Variants in DPYD observed in about 807,000 individuals in gnomAD.
The protein encoded by DPYD is dihydropyrimidine dehydrogenase.
Under a neutral mutation model 116.2 loss-of-function variants are expected in DPYD, and 109 were observed. That is an observed-to-expected ratio of 0.94 (90% confidence interval 0.80 to 1.10). The LOEUF (loss-of-function observed/expected upper bound fraction) is 1.10, where lower values mean the gene tolerates loss of function less well. Among genes scored for constraint, DPYD ranks in the 50% least tolerant of loss-of-function variants. The pLI, the probability that DPYD is intolerant of heterozygous loss-of-function variation, is 0.00. For missense variants in DPYD, 1,302 were observed against 1,254.5 expected (o/e 1.04, Z -0.57); for synonymous variants, 440 against 432.0 (o/e 1.02, Z -0.23).
chr1:97,461,450 G>T (rs182464556), intron 13 of DPYD, among the ~76,000 whole-genome samples: 53 of 152,030 alleles, frequency 3.5e-4, no homozygotes, highest in African/African-American at 1.3e-3. Context: ...AAGTCATTTC[G>T]GGCAACACAC....
chr1:97,586,616 C>A (rs969293210), intron 10 of DPYD, among the ~76,000 whole-genome samples: 17 of 149,888 alleles, frequency 1.1e-4, no homozygotes, highest in Admixed American at 9.3e-4. Flanking sequence ...AATGCAACAA[C>A]CTCCTTCAGA....
intron 14 of DPYD, among the ~76,000 whole-genome samples, chr1:97,434,508 T>G (rs139199712): frequency 9.0e-4 from 137 of 152,158 alleles, no homozygotes; most frequent in African/African-American, 3.2e-3. Flanking sequence ...CATAAATTCT[T>G]TCTATCCTAT....
chr1:97,848,903 A>C (rs1469680205), intron 2 of DPYD, among the ~76,000 whole-genome samples: 11 of 152,338 alleles, frequency 7.2e-5, no homozygotes, highest in Admixed American at 5.9e-4. Flanking sequence ...AGCTTGTCTG[A>C]GTTGTAAGTA....
chr1:97,432,253 A>AT (rs1261452457), intron 14 of DPYD, among the ~76,000 whole-genome samples: 1 of 151,894 alleles, frequency 6.6e-6, no homozygotes, highest in Non-Finnish European at 1.5e-5. Context: ...CGGTAGTTCT[A>AT]TTTTTAGCTT....
At chr1:97,871,089 G>A (rs1671636834) in intron 2 of DPYD, among the ~76,000 whole-genome samples, 1 of 151,868 alleles carries the variant, frequency 6.6e-6, no homozygotes, top group Admixed American at 6.6e-5. Flanking sequence ...CATATGCAAA[G>A]ATGTTTCTTA....
intron 7 of DPYD, 50 bp from the exon 8 acceptor site, chr1:97,679,232 A>C: frequency 1.0e-6 from 1 of 955,724 alleles, no homozygotes; most frequent in Non-Finnish European, 1.6e-6. Context: ...TGATTAATTA[A>C]AATCTTAATA....
chr1:97,684,494 G>A (rs1000199687), intron 7 of DPYD, among the ~76,000 whole-genome samples: 6 of 151,388 alleles, frequency 4.0e-5, no homozygotes, highest in African/African-American at 4.9e-5. Context: ...CTCCAAGAGC[G>A]GAACTGAAGG....
intron 19 of DPYD, among the ~76,000 whole-genome samples, chr1:97,206,314 A>G (rs997085524): frequency 2.0e-5 from 3 of 151,976 alleles, no homozygotes; most frequent in Non-Finnish European, 4.4e-5. Flanking sequence ...TTCCCTTATG[A>G]TTACAGCATT....
chr1:97,223,378 GAT>G (rs79118208), intron 19 of DPYD, among the ~76,000 whole-genome samples: 14,789 of 147,228 alleles, frequency 0.1, 1,066 homozygotes, highest in East Asian at 0.41. Context: ...ACGCAGAAAA[GAT>G]AGAATTAAAC....
chr1:97,482,997 C>G (rs956685197), intron 13 of DPYD, among the ~76,000 whole-genome samples: 1 of 152,158 alleles, frequency 6.6e-6, no homozygotes, highest in Admixed American at 6.5e-5. Context: ...TCTCATTTCA[C>G]TCTCACCCCA....
intron 8 of DPYD, among the ~76,000 whole-genome samples, chr1:97,675,717 A>T (rs1437902764): frequency 6.6e-6 from 1 of 151,962 alleles, no homozygotes; most frequent in Non-Finnish European, 1.5e-5. Context: ...ATTAATAACT[A>T]TGGCATTTCC....
chr1:97,562,795 T>G (rs1439813240), intron 11 of DPYD, among the ~76,000 whole-genome samples: 1 of 152,174 alleles, frequency 6.6e-6, no homozygotes, highest in Non-Finnish European at 1.5e-5. Context: ...CTTGGCTCGC[T>G]GCAACCTCTG....
At chr1:97,472,218 G>A (rs905964489) in intron 13 of DPYD, among the ~76,000 whole-genome samples, 1 of 152,128 alleles carries the variant, frequency 6.6e-6, no homozygotes, top group East Asian at 1.9e-4. Context: ...ATTTAAAGAG[G>A]CAATTGCCAG....
intron 3 of DPYD, among the ~76,000 whole-genome samples, chr1:97,756,529 G>T (rs766253206): frequency 6.6e-6 from 1 of 152,082 alleles, no homozygotes; most frequent in Non-Finnish European, 1.5e-5. Context: ...AAGAAGAAGA[G>T]AAACTTATTT....
intron 1 of DPYD, 65 bp from the exon 2 acceptor site, chr1:97,883,439 T>G: frequency 8.5e-7 from 1 of 1,179,034 alleles, no homozygotes; most frequent in Non-Finnish European, 1.2e-6. Context: ...AAACTTATTT[T>G]TATTTTATTT....
rs1184720847 is a variant in DPYD, at chr1:97,915,709, T to C, written c.39+5175A>G. On this transcript the variant is annotated intron_variant, in intron 1 of 22. Transcript: ENST00000370192. Reference sequence around the variant, plus strand: ...TTAAATATTTTTAATTAAGGTGGAATATAAACAAAATAAAATTTTCTTTAC... The same window carrying C: ...TTAAATATTTTTAATTAAGGTGGAACATAAACAAAATAAAATTTTCTTTAC... Among the ~76,000 whole-genome samples the C allele has an allele frequency of 2.0e-5, 3 of 152,202 alleles. No individual in the cohort carries two copies. In the East Asian group the frequency reaches 5.8e-4, roughly 29 times the overall value.
chr1:97,830,020 T>C (rs1267257018), intron 2 of DPYD, among the ~76,000 whole-genome samples: 1 of 152,082 alleles, frequency 6.6e-6, no homozygotes, highest in Non-Finnish European at 1.5e-5. Context: ...CTCCTTGTGA[T>C]AGTTTGCTGA....
At chr1:97,315,053 G>T (rs1200967189) in intron 16 of DPYD, among the ~76,000 whole-genome samples, 1 of 151,968 alleles carries the variant, frequency 6.6e-6, no homozygotes, top group African/African-American at 2.4e-5. Context: ...GCAATGTTGA[G>T]GAGTCGCATA....
At chr1:97,687,576 CA>C (rs1489758540) in intron 7 of DPYD, among the ~76,000 whole-genome samples, 3 of 152,250 alleles carry the variant, frequency 2.0e-5, no homozygotes, top group Admixed American at 2.0e-4. Flanking sequence ...GGCAATTCCT[CA>C]AAGACATAGA....
Sources: allele counts gnomAD v4.1 joint callset (sites outside exome capture counted in the v4.1 genomes callset), GRCh38; gene constraint gnomAD v4.1.1; transcripts MANE v1.5; gene names NCBI Gene and HGNC (gene_info 2026-07-23, HGNC 2026-07-21).